Variants in PRLR observed in about 807,000 individuals in gnomAD.
The protein encoded by PRLR is hPRL receptor.
Under a neutral mutation model 40.2 loss-of-function variants are expected in PRLR, and 13 were observed. That is an observed-to-expected ratio of 0.32 (90% CI 0.21 to 0.51). PRLR has a LOEUF of 0.51. PRLR is among the 20% of genes least tolerant of loss of function. The pLI, the probability that PRLR is intolerant of heterozygous loss-of-function variation, is 0.97. For synonymous variants in PRLR, 269 were observed against 278.7 expected, an observed-to-expected ratio of 0.97 and a Z score of 0.35; for missense variants, 656 against 747.3, an observed-to-expected ratio of 0.88 and a Z score of 1.42.
At chr5:35,198,963 C>A (rs1561361218) in intron 1 of PRLR, among the ~76,000 whole-genome samples, 1 of 152,212 alleles carries the variant, frequency 6.6e-6, no homozygotes, top group Non-Finnish European at 1.5e-5. Flanking sequence ...ACAACCACAG[C>A]ATGATTAACA....
At chr5:35,105,373 G>T (rs1413967526) in intron 2 of PRLR, among the ~76,000 whole-genome samples, 2 of 152,224 alleles carry the variant, frequency 1.3e-5, no homozygotes, top group African/African-American at 4.8e-5. Context: ...GACAGAGAAT[G>T]ATGTTGACGA....
chr5:35,168,755 G>T (rs1367672419), intron 1 of PRLR, among the ~76,000 whole-genome samples: 2 of 151,776 alleles, frequency 1.3e-5, no homozygotes, highest in African/African-American at 4.8e-5. Flanking sequence ...GCCCTGGGAA[G>T]TTTGAAGATC....
chr5:35,206,054 A>G (rs1776007916), intron 1 of PRLR, among the ~76,000 whole-genome samples: 2 of 152,204 alleles, frequency 1.3e-5, no homozygotes. Context: ...ACTGTTTATC[A>G]TCTTCAACTG....
chr5:35,166,306 T>G (rs191032456), intron 1 of PRLR, among the ~76,000 whole-genome samples: 103 of 152,292 alleles, frequency 6.8e-4, no homozygotes, highest in Non-Finnish European at 1.3e-4. Context: ...TTTTCAATAT[T>G]GGAATAAATT....
intron 1 of PRLR, among the ~76,000 whole-genome samples, chr5:35,121,339 A>G (rs540638458): frequency 2.2e-4 from 34 of 152,276 alleles, no homozygotes; most frequent in African/African-American, 7.5e-4. Flanking sequence ...CACATAGTAA[A>G]TCTTCTCAGT....
intron 2 of PRLR, among the ~76,000 whole-genome samples, chr5:35,095,726 A>C (rs967470678): frequency 6.6e-6 from 1 of 152,174 alleles, no homozygotes; most frequent in Non-Finnish European, 1.5e-5. Context: ...ACCATTATCC[A>C]GTTTACATTT....
intron 1 of PRLR, among the ~76,000 whole-genome samples, chr5:35,128,986 T>C (rs1489895496): frequency 6.6e-6 from 1 of 152,184 alleles, no homozygotes; most frequent in East Asian, 1.9e-4. Flanking sequence ...CAGTCAGTGT[T>C]CAAAATCAGA....
intron 1 of PRLR, among the ~76,000 whole-genome samples, chr5:35,224,139 A>C (rs528357847): frequency 1.1e-4 from 16 of 152,194 alleles, no homozygotes; most frequent in African/African-American, 3.9e-4. Flanking sequence ...TGGGCTCCCC[A>C]TCCCTAGAAG....
At chr5:35,170,395 ATT>A (rs1183116572) in intron 1 of PRLR, among the ~76,000 whole-genome samples, 2 of 152,206 alleles carry the variant, frequency 1.3e-5, no homozygotes, top group Non-Finnish European at 2.9e-5. Context: ...CATTTGCATC[ATT>A]TTGTTTGCTT....
At chr5:35,199,018 G>C (rs1452229145) in intron 1 of PRLR, among the ~76,000 whole-genome samples, 1 of 152,208 alleles carries the variant, frequency 6.6e-6, no homozygotes, top group Non-Finnish European at 1.5e-5. Context: ...TGGCTCTCCG[G>C]ATCCGGCTGC....
intron 1 of PRLR, among the ~76,000 whole-genome samples, chr5:35,200,063 T>C (rs1157401737): frequency 6.6e-6 from 1 of 152,224 alleles, no homozygotes; most frequent in Admixed American, 6.5e-5. Flanking sequence ...GAAGAGGTAG[T>C]GCTGGACAAA....
chr5:35,185,192 A>G lies in PRLR; in HGVS notation c.-106+45076T>C, dbSNP rs148556309. On this transcript the variant is annotated intron_variant, in intron 1 of 9. Transcript: ENST00000618457. ...TTCGTCCATACACTGAGAAGGACCA[A>G]TTTCCATATTCTTCCATCTAAATTC... Among the ~76,000 whole-genome samples, 899 of 152,326 alleles carry G rather than the reference A, an allele frequency of 5.9e-3. 11 individuals carry two copies. Among genetic ancestry groups the G allele is most frequent in the African/African-American group, 0.021 (862 of 41,578 alleles).
intron 1 of PRLR, among the ~76,000 whole-genome samples, chr5:35,161,954 G>C (rs1210694423): frequency 3.9e-5 from 6 of 152,218 alleles, no homozygotes; most frequent in Non-Finnish European, 1.5e-5. Flanking sequence ...AGGTTTGTCA[G>C]GTGATACTTT....
rs77019317 is a variant in PRLR at position 35,225,035 on chromosome 5, A to G, written c.-106+5233T>C. 5.4e-3 allele frequency among the ~76,000 whole-genome samples: 829 copies of G among 152,316 alleles called. 8 individuals carry two copies. Among genetic ancestry groups the G allele is most frequent in the African/African-American group, 0.019 (788 of 41,564 alleles). On this transcript the variant is annotated intron_variant, in intron 1 of 9. Transcript: ENST00000618457. ...AAGAGGACAGGGAGAAACATTTATT[A>G]CTGCATGAGATTACTTATTTAATGA...
chr5:35,084,740 T>C, intron 4 of PRLR, 101 bp from the exon 5 acceptor site: 2 of 1,149,788 alleles, frequency 1.7e-6, no homozygotes, highest in Non-Finnish European at 2.4e-6. Context: ...TATCAGAAAT[T>C]CCAAGCGCAA....
intron 6 of PRLR, among the ~76,000 whole-genome samples, chr5:35,070,549 G>A (rs1437927083): frequency 6.6e-6 from 1 of 151,952 alleles, no homozygotes; most frequent in African/African-American, 2.4e-5. Flanking sequence ...AATGTAGAAA[G>A]AATAACAAAA....
chr5:35,168,256 T>A (rs1004763538), intron 1 of PRLR, among the ~76,000 whole-genome samples: 2 of 152,084 alleles, frequency 1.3e-5, no homozygotes, highest in Admixed American at 1.3e-4. Flanking sequence ...TACACAATCA[T>A]AGAAGATGTT....
chr5:35,119,107 T>C (rs1186754289), intron 1 of PRLR, among the ~76,000 whole-genome samples: 1 of 152,190 alleles, frequency 6.6e-6, no homozygotes, highest in East Asian at 1.9e-4. Context: ...CAGCTACTTT[T>C]TAAAATGGGC....
At chr5:35,108,028 A>G (rs545150282) in intron 2 of PRLR, among the ~76,000 whole-genome samples, 241 of 152,248 alleles carry the variant, frequency 1.6e-3, no homozygotes, top group African/African-American at 5.5e-3. Flanking sequence ...TATCCACCAC[A>G]ATCAAGTTGG....
Sources: allele counts gnomAD v4.1 joint callset (sites outside exome capture counted in the v4.1 genomes callset), GRCh38; gene constraint gnomAD v4.1.1; transcripts MANE v1.5; gene names NCBI Gene and HGNC (gene_info 2026-07-23, HGNC 2026-07-21).